The following SMARCD3 variants were observed in gnomAD, a reference collection of about 807,000 sequenced individuals.
The protein encoded by SMARCD3 is SWI/SNF-related matrix-associated actin-dependent regulator of chromatin subfamily D member 3.
In SMARCD3, 14 loss-of-function variants were observed where a neutral mutation model predicts 58.0. The ratio of observed to expected loss-of-function variants is 0.24; its 90% confidence interval spans 0.16 to 0.38. SMARCD3 has a LOEUF of 0.38. SMARCD3 is among the 10% of genes least tolerant of loss of function. SMARCD3 has a pLI of 1.00. For missense variants in SMARCD3, 408 were observed against 636.9 expected, an observed-to-expected ratio of 0.64 and a Z score of 3.87; for synonymous variants, 253 against 253.8, an observed-to-expected ratio of 1.00 and a Z score of 0.03.
At chr7:151,261,709 A>G (rs1480319958) in intron 2 of SMARCD3, among the ~76,000 whole-genome samples, 5 of 152,122 alleles carry the variant, frequency 3.3e-5, no homozygotes, top group African/African-American at 1.2e-4. Flanking sequence ...GACTTGGATG[A>G]TCCTGCTGCC....
chr7:151,249,147 G>A (rs1275466008), upstream of SMARCD3, among the ~76,000 whole-genome samples: 2 of 151,998 alleles, frequency 1.3e-5, no homozygotes, highest in African/African-American at 2.4e-5. This position sits in a 1 kb window ranked among gnomAD's most constrained non-coding sequence, Gnocchi z 4.8. Flanking sequence ...CCTTTCCCCA[G>A]AGACCTGGCA....
rs78377416 is a variant in SMARCD3 at position 151,246,189 on chromosome 7, C to T, written c.79-518G>A. 852 of 152,954 alleles carry T rather than the reference C, an allele frequency of 5.6e-3. 4 individuals are homozygous for T. Among genetic ancestry groups the T allele is most frequent in the Non-Finnish European group, 8.0e-3 (549 of 68,620 alleles). The allele number at this position is 152,954 out of a possible 1,614,324, so 9.5% of individuals were successfully genotyped here. ...TGCGGCTTGGTTGAGGTCCGGTACC[C>T]GGCTCCCTGCTCCGACTTCTGCTCC... On this transcript the variant is annotated intron_variant, in intron 1 of 12. Transcript: ENST00000262188. The surrounding 1 kb of genome is among the most constrained non-coding windows in gnomAD (Gnocchi z 4.4).
chr7:151,250,477 A>G (rs932515489), upstream of SMARCD3, among the ~76,000 whole-genome samples: 1 of 149,980 alleles, frequency 6.7e-6, no homozygotes, highest in African/African-American at 2.5e-5. Context: ...ATCCCCGCTC[A>G]CTCCCATTTC....
Position 151,242,853 on chromosome 7 carries a change from G to A in SMARCD3, c.334-10C>T, listed in dbSNP as rs759839491. 6.8e-6 allele frequency: 11 copies of A among 1,613,928 alleles called. No individual in the cohort carries two copies. The highest frequency in any genetic ancestry group is 6.7e-5 in the Admixed American group (4 of 59,990). On this transcript the variant is annotated splice_polypyrimidine_tract_variant and intron_variant, in intron 3 of 12. Coordinates refer to ENST00000262188, the MANE Select transcript of SMARCD3 (RefSeq NM_001003801.2). This position sits in a 1 kb window ranked among gnomAD's most constrained non-coding sequence, Gnocchi z 4.7. Reference sequence around the variant, plus strand: ...GGACCAGCTCCCGAATCTGGAGAAGGAGGAGCAGGGCAGGAGTCAGAGGCT... The same window carrying A: ...GGACCAGCTCCCGAATCTGGAGAAGAAGGAGCAGGGCAGGAGTCAGAGGCT...
At chr7:151,276,713 G>A (rs1209273548) in exon 1 of SMARCD3, 1 of 124,486 alleles carries the variant, frequency 8.0e-6, no homozygotes, top group Non-Finnish European at 1.7e-5. Flanking sequence ...ACCTGGAAAG[G>A]AGGAGGGGAG....
upstream of SMARCD3, among the ~76,000 whole-genome samples, chr7:151,250,872 G>A (rs1316562626): frequency 6.6e-6 from 1 of 152,098 alleles, no homozygotes; most frequent in African/African-American, 2.4e-5. Context: ...GCCAATGCAT[G>A]GAGCTGGTAC....
At chr7:151,247,734 C>G (rs902453158) in intron 1 of SMARCD3, among the ~76,000 whole-genome samples, 22 of 151,400 alleles carry the variant, frequency 1.5e-4, no homozygotes, top group African/African-American at 5.1e-4. Context: ...GACTCAGCTC[C>G]AGCCTCCCGG....
rs973920516 is a variant in SMARCD3, at chr7:151,246,569, C to A, written c.79-898G>T. 6.6e-6 allele frequency among the ~76,000 whole-genome samples: 1 copy of A among 152,152 alleles called. No homozygotes were observed. The highest frequency in any genetic ancestry group is 1.5e-5 in the Non-Finnish European group (1 of 68,016). ...TGACACTTGCACTCACATTTCCCTTCCTGTCTGCCCAGGTCAGCAGCCACC... is the reference window on the plus strand; with the variant it reads ...TGACACTTGCACTCACATTTCCCTTACTGTCTGCCCAGGTCAGCAGCCACC... On this transcript the variant is annotated intron_variant, in intron 1 of 12. Transcript: ENST00000262188. This position sits in a 1 kb window ranked among gnomAD's most constrained non-coding sequence, Gnocchi z 4.4.
intron 2 of SMARCD3, among the ~76,000 whole-genome samples, chr7:151,262,258 T>A (rs1803941300): frequency 1.3e-5 from 2 of 152,084 alleles, no homozygotes; most frequent in African/African-American, 4.8e-5. Flanking sequence ...TTTTTAAATT[T>A]TTTTGTAGAG....
intron 2 of SMARCD3, among the ~76,000 whole-genome samples, chr7:151,260,698 G>T (rs1803889728): frequency 6.6e-6 from 1 of 152,060 alleles, no homozygotes; most frequent in Non-Finnish European, 1.5e-5. Flanking sequence ...CGGTGCCCTC[G>T]GACAGCCCCC....
At chr7:151,271,704 A>G (rs772441824) in intron 2 of SMARCD3, among the ~76,000 whole-genome samples, 14 of 151,980 alleles carry the variant, frequency 9.2e-5, no homozygotes, top group Non-Finnish European at 1.6e-4. Context: ...GCCTCCCAAC[A>G]CTTTGGGAGG....
chr7:151,270,081 G>T (rs974044895), intron 2 of SMARCD3, among the ~76,000 whole-genome samples: 4 of 152,188 alleles, frequency 2.6e-5, no homozygotes, highest in Non-Finnish European at 4.4e-5. Context: ...GCCTCCAAAT[G>T]TTGAAAGGTG....
At chr7:151,275,306 A>C (rs1267630285) in intron 1 of SMARCD3, 2 of 687,578 alleles carry the variant, frequency 2.9e-6, no homozygotes, top group South Asian at 1.7e-5. Flanking sequence ...AGGCCTCGGG[A>C]AGCTGCGAAG....
rs868216318 is a variant in SMARCD3, at chr7:151,240,906, A to G, written c.940-384T>C. ...CCGTGAGAAGTCAGTGAACTAATAC[A>G]CATAAAGTGCTTGGGACAGTGCCTG... On this transcript the variant is annotated intron_variant, in intron 8 of 12. Coordinates refer to ENST00000262188, the MANE Select transcript of SMARCD3 (RefSeq NM_001003801.2). The G allele has an allele frequency of 3.7e-4, 100 of 270,258 alleles. 1 individual carries two copies. In the Middle Eastern group the frequency reaches 7.9e-3, roughly 21 times the overall value. 16.7% of individuals were successfully genotyped at this position (270,258 alleles called of 1,614,324 possible). A position where few individuals can be genotyped will look rare whatever the true frequency, so the allele number is the denominator to read the frequency against.
At chr7:151,263,218 A>G (rs1201029367) in intron 2 of SMARCD3, among the ~76,000 whole-genome samples, 1 of 151,948 alleles carries the variant, frequency 6.6e-6, no homozygotes, top group African/African-American at 2.4e-5. Flanking sequence ...ACTTGATGGG[A>G]AGAAGTGGAA....
rs1031083965 is a variant in SMARCD3, at chr7:151,245,114, G to A, written c.290+346C>T. On this transcript the variant is annotated intron_variant, in intron 2 of 12. Transcript: ENST00000262188. The surrounding 1 kb of genome is among the most constrained non-coding windows in gnomAD (Gnocchi z 6.2). Reference sequence around the variant, plus strand: ...ACACAGTCCTACACCTCTGCCCTCAGTCCCACTGGAAGCCCCGCCCCCACC... The same window carrying A: ...ACACAGTCCTACACCTCTGCCCTCAATCCCACTGGAAGCCCCGCCCCCACC... 6.6e-6 allele frequency among the ~76,000 whole-genome samples: 1 copy of A among 152,142 alleles called. No homozygotes were observed.
chr7:151,266,622 T>C (rs1379575164), intron 2 of SMARCD3, among the ~76,000 whole-genome samples: 2 of 152,238 alleles, frequency 1.3e-5, no homozygotes, highest in Non-Finnish European at 2.9e-5. Context: ...CTTCAATTCT[T>C]AGCAAATTTG....
chr7:151,240,305 C>A, intron 9 of SMARCD3, 58 bp from the exon 10 acceptor site: 1 of 1,611,450 alleles, frequency 6.2e-7, no homozygotes, highest in South Asian at 1.1e-5. Context: ...CCCAGGGCCC[C>A]GGGGCTGGGG....
rs756418456 is a variant in SMARCD3 at position 151,242,091 on chromosome 7, C to A, written c.675+46G>T. 16 of 1,555,382 alleles carry A rather than the reference C, an allele frequency of 1.0e-5. No homozygotes were observed. The highest frequency in any genetic ancestry group is 1.4e-5 in the Non-Finnish European group (16 of 1,126,640). On this transcript the variant is annotated intron_variant, in intron 6 of 12. Transcript: ENST00000262188. This position sits in a 1 kb window ranked among gnomAD's most constrained non-coding sequence, Gnocchi z 4.7. Reference sequence around the variant, plus strand: ...GTGCTGGTTCTTCAGGGATTCTGGCCTGTGGGAGGGTGGCAATTCAAGGGC... The same window carrying A: ...GTGCTGGTTCTTCAGGGATTCTGGCATGTGGGAGGGTGGCAATTCAAGGGC...
Sources: gnomAD v4.1 joint callset for allele counts (sites outside exome capture counted in the v4.1 genomes callset) on GRCh38, gnomAD v4.1.1 for gene constraint, Gnocchi (gnomAD v3.1) non-coding constraint, MANE v1.5 for transcripts, NCBI Gene and HGNC (gene_info 2026-07-23, HGNC 2026-07-21) for gene names.